The following SLC2A13 variants were observed in gnomAD, a reference collection of about 807,000 sequenced individuals.
SLC2A13 encodes the protein proton myo-inositol cotransporter.
SLC2A13 carries 32 observed loss-of-function variants against 64.4 expected under a neutral mutation model. That is an observed-to-expected ratio of 0.50 (90% CI 0.37 to 0.67). SLC2A13 has a LOEUF of 0.67. Ranked by LOEUF, SLC2A13 falls within the 30% of genes least tolerant of loss-of-function variation. The probability of loss-of-function intolerance (pLI) is 0.00; values close to 1 mark genes in which losing one functional copy is unlikely to be tolerated. For synonymous variants in SLC2A13, 338 were observed against 327.1 expected, an observed-to-expected ratio of 1.03 and a Z score of -0.36; for missense variants, 743 against 829.2, an observed-to-expected ratio of 0.90 and a Z score of 1.28.
At chr12:39,967,136 G>T (rs1196530740) in intron 3 of SLC2A13, among the ~76,000 whole-genome samples, 2 of 152,082 alleles carry the variant, frequency 1.3e-5, no homozygotes, top group African/African-American at 2.4e-5. Context: ...TTTTCTGAAT[G>T]CTAAGTCTTA....
At chr12:39,785,053 T>G (rs1396582250) in intron 7 of SLC2A13, among the ~76,000 whole-genome samples, 1 of 152,150 alleles carries the variant, frequency 6.6e-6, no homozygotes, top group Non-Finnish European at 1.5e-5. Flanking sequence ...AAAAACCCAT[T>G]TTCTGGGGAG....
intron 6 of SLC2A13, among the ~76,000 whole-genome samples, chr12:39,844,624 T>A (rs1462784476): frequency 6.6e-6 from 1 of 152,032 alleles, no homozygotes; most frequent in African/African-American, 2.4e-5. Context: ...GTATTTAGTA[T>A]CCATGAAGAT....
chr12:39,760,781 AAC>A (rs1940105122), intron 9 of SLC2A13, among the ~76,000 whole-genome samples: 1 of 152,028 alleles, frequency 6.6e-6, no homozygotes, highest in South Asian at 2.1e-4. Context: ...AACAGCCAGA[AAC>A]ACATAAATAT....
chr12:39,978,824 G>A (rs1177939722), intron 3 of SLC2A13, among the ~76,000 whole-genome samples: 2 of 152,072 alleles, frequency 1.3e-5, no homozygotes, highest in African/African-American at 4.8e-5. Flanking sequence ...GCCCACCACA[G>A]CTCAAGGAGG....
At chr12:39,870,842 G>A (rs1358628294) in intron 5 of SLC2A13, among the ~76,000 whole-genome samples, 2 of 152,174 alleles carry the variant, frequency 1.3e-5, no homozygotes, top group African/African-American at 4.8e-5. Flanking sequence ...GAGAGGGTAT[G>A]TATTTCTGAT....
At chr12:40,057,290 A>G (rs917789909) in intron 1 of SLC2A13, among the ~76,000 whole-genome samples, 12 of 152,156 alleles carry the variant, frequency 7.9e-5, no homozygotes, top group African/African-American at 2.9e-4. Flanking sequence ...TGAAAAAGAA[A>G]CCATTATAAG....
rs1939951769 is a variant in SLC2A13, at chr12:39,755,591, A to T, written c.*4435T>A. The T allele has an allele frequency of 6.6e-6, 1 of 152,180 alleles. No individual in the cohort carries two copies. Among genetic ancestry groups the T allele is most frequent in the Admixed American group, 6.6e-5 (1 of 15,228 alleles). 9.4% of individuals were successfully genotyped at this position (152,180 alleles called of 1,614,324 possible). A position where few individuals can be genotyped will look rare whatever the true frequency, so the allele number is the denominator to read the frequency against. Reference sequence around the variant, plus strand: ...TTTAACCTTTAAATGAGATGGAATAATGTTGTTTGCTAAAACTTTAAAACT... The same window carrying T: ...TTTAACCTTTAAATGAGATGGAATATTGTTGTTTGCTAAAACTTTAAAACT... On this transcript the variant is annotated 3_prime_UTR_variant, in exon 10 of 10. Coordinates refer to ENST00000280871, the MANE Select transcript of SLC2A13 (RefSeq NM_052885.4).
At chr12:40,104,793 T>C (rs1467946595) in intron 1 of SLC2A13, among the ~76,000 whole-genome samples, 1 of 152,188 alleles carries the variant, frequency 6.6e-6, no homozygotes, top group Non-Finnish European at 1.5e-5. Flanking sequence ...TCACTGTAAC[T>C]TGACGATGGT....
At chr12:39,919,091 C>G (rs950483452) in intron 4 of SLC2A13, among the ~76,000 whole-genome samples, 12 of 151,812 alleles carry the variant, frequency 7.9e-5, no homozygotes, top group African/African-American at 2.7e-4. Flanking sequence ...AGTGATCCTC[C>G]CACCTCAGTC....
intron 4 of SLC2A13, among the ~76,000 whole-genome samples, chr12:39,910,986 A>G (rs1162481325): frequency 6.6e-6 from 1 of 152,056 alleles, no homozygotes; most frequent in African/African-American, 2.4e-5. Context: ...CAGGAGGCTG[A>G]GGCAAGAGAA....
chr12:40,024,216 T>C (rs1426519896), intron 3 of SLC2A13, among the ~76,000 whole-genome samples: 3 of 152,290 alleles, frequency 2.0e-5, no homozygotes, highest in Non-Finnish European at 2.9e-5. Context: ...ATCATATTAA[T>C]GTTTCTTTGT....
chr12:40,105,509 C>T lies in SLC2A13; in HGVS notation c.300G>A (p.Gly100=). The change falls in exon 1 of 10, where the codon GGG becomes GGA. Residue 100 remains glycine, a synonymous_variant. Coordinates refer to ENST00000280871, the MANE Select transcript of SLC2A13 (RefSeq NM_052885.4). This position sits in a 1 kb window ranked among gnomAD's most constrained non-coding sequence, Gnocchi z 4.2. ...GCAGCAGCATGGCCCCTGACACCAC[C>T]CCGGTGTCATAGCCAAACAGGAAGC... is the stretch of plus-strand genomic sequence containing the variant. ...LGGFLFGYDT[G]VVSGAMLLLK... 1.9e-6 allele frequency: 3 copies of T among 1,580,226 alleles called. No individual in the cohort carries two copies. Among genetic ancestry groups the T allele is most frequent in the Admixed American group, 3.6e-5 (2 of 56,220 alleles).
At chr12:39,839,908 C>A (rs976204828) in intron 6 of SLC2A13, among the ~76,000 whole-genome samples, 4 of 152,088 alleles carry the variant, frequency 2.6e-5, no homozygotes, top group Non-Finnish European at 4.4e-5. Flanking sequence ...CCTATTGTTC[C>A]TTTTGTGTCT....
intron 3 of SLC2A13, among the ~76,000 whole-genome samples, chr12:39,969,361 T>C (rs1946597777): frequency 6.6e-6 from 1 of 152,222 alleles, no homozygotes; most frequent in Non-Finnish European, 1.5e-5. Flanking sequence ...TCTAGATCCT[T>C]GAGGAATCGC....
chr12:39,974,355 G>A (rs1366016392), intron 3 of SLC2A13, among the ~76,000 whole-genome samples: 1 of 152,146 alleles, frequency 6.6e-6, no homozygotes, highest in Admixed American at 6.5e-5. Flanking sequence ...CACAGAGAGG[G>A]TTGGGGCCAT....
At chr12:39,950,393 A>G (rs1426079033) in intron 4 of SLC2A13, 1 of 152,196 alleles carries the variant, frequency 6.6e-6, no homozygotes, top group African/African-American at 2.4e-5. Context: ...TAATCTAACA[A>G]TATGTGCCCT....
At chr12:39,925,054 G>A (rs1394988439) in intron 4 of SLC2A13, among the ~76,000 whole-genome samples, 1 of 43,642 alleles carries the variant, frequency 2.3e-5, no homozygotes, top group African/African-American at 6.3e-5. Context: ...TTTTTTTTTT[G>A]AGGAAGAGTC....
At chr12:39,968,004 A>G (rs1359128206) in intron 3 of SLC2A13, among the ~76,000 whole-genome samples, 2 of 152,304 alleles carry the variant, frequency 1.3e-5, no homozygotes, top group East Asian at 3.9e-4. Context: ...TACCTCAAAA[A>G]TCTTGAACCA....
At chr12:39,972,022 T>TTATATA (rs1555144677) in intron 3 of SLC2A13, among the ~76,000 whole-genome samples, 7,788 of 91,210 alleles carry the variant, frequency 0.085, 468 homozygotes, top group South Asian at 0.14. Context: ...ATATTTTTTT[T>TTATATA]TATATAAATA....
Sources: allele counts gnomAD v4.1 joint callset (sites outside exome capture counted in the v4.1 genomes callset), GRCh38; gene constraint gnomAD v4.1.1; non-coding constraint Gnocchi (gnomAD v3.1); transcripts MANE v1.5; gene names NCBI Gene and HGNC (gene_info 2026-07-23, HGNC 2026-07-21).